Variants in ATRNL1 observed in about 807,000 individuals in gnomAD.
ATRNL1 encodes attractin-like protein 1.
A neutral mutation model predicts 182.7 loss-of-function variants in ATRNL1; 95 were observed. That is an observed-to-expected ratio of 0.52 (90% CI 0.44 to 0.62). The LOEUF (loss-of-function observed/expected upper bound fraction) is 0.62, where lower values mean the gene tolerates loss of function less well. ATRNL1 is among the 20% of genes least tolerant of loss of function. The probability of loss-of-function intolerance (pLI) is 0.00; values close to 1 mark genes in which losing one functional copy is unlikely to be tolerated. For missense variants in ATRNL1, 1,471 were observed against 1,679.5 expected (o/e 0.88, Z 2.17); for synonymous variants, 576 against 568.3 (o/e 1.01, Z -0.19).
intron 21 of ATRNL1, among the ~76,000 whole-genome samples, chr10:115,433,266 G>T (rs145709860): frequency 1.3e-5 from 2 of 152,122 alleles, no homozygotes; most frequent in Non-Finnish European, 2.9e-5. Flanking sequence ...GTATGTCATA[G>T]AAAACAATGA....
chr10:115,864,758 G>A (rs1295953077), intron 28 of ATRNL1, among the ~76,000 whole-genome samples: 2 of 152,080 alleles, frequency 1.3e-5, no homozygotes, highest in Non-Finnish European at 2.9e-5. Context: ...CGAGGTGGGC[G>A]GATCACAAGG....
intron 28 of ATRNL1, among the ~76,000 whole-genome samples, chr10:115,937,442 G>A (rs782481864): frequency 2.0e-5 from 3 of 152,090 alleles, no homozygotes; most frequent in Admixed American, 1.3e-4. Flanking sequence ...TTCCATTTTT[G>A]TTCAACAATG....
At chr10:115,379,037 T>C (rs1221194396) in intron 19 of ATRNL1, among the ~76,000 whole-genome samples, 2 of 152,182 alleles carry the variant, frequency 1.3e-5, no homozygotes, top group Non-Finnish European at 2.9e-5. Context: ...AAAGTGTTTT[T>C]TTTTATAAAC....
chr10:115,233,827 A>G (rs782228612), intron 9 of ATRNL1, among the ~76,000 whole-genome samples: 1 of 152,144 alleles, frequency 6.6e-6, no homozygotes, highest in South Asian at 2.1e-4. Flanking sequence ...TATTAACTCA[A>G]CTTGGGTTAA....
At chr10:115,192,774 A>T (rs995635000) in intron 8 of ATRNL1, among the ~76,000 whole-genome samples, 7 of 151,930 alleles carry the variant, frequency 4.6e-5, no homozygotes, top group African/African-American at 1.7e-4. Flanking sequence ...AATTGTAGAG[A>T]TCTTTCACTT....
chr10:115,479,815 G>T (rs79727145), intron 24 of ATRNL1, among the ~76,000 whole-genome samples: 4,796 of 151,354 alleles, frequency 0.032, 249 homozygotes, highest in African/African-American at 0.11. Context: ...TACTACTGTA[G>T]CGGTAGTGCT....
intron 26 of ATRNL1, among the ~76,000 whole-genome samples, chr10:115,616,179 C>A (rs1857417180): frequency 6.6e-6 from 1 of 152,146 alleles, no homozygotes; most frequent in Non-Finnish European, 1.5e-5. Flanking sequence ...CTTAGCAAAG[C>A]AATTAGCTGC....
intron 28 of ATRNL1, among the ~76,000 whole-genome samples, chr10:115,907,253 C>A (rs1253929049): frequency 6.6e-6 from 1 of 152,196 alleles, no homozygotes; most frequent in African/African-American, 2.4e-5. Flanking sequence ...AAGGAAGCTG[C>A]GGTAGCAAGC....
At chr10:115,754,943 A>G (rs1948546952) in intron 27 of ATRNL1, among the ~76,000 whole-genome samples, 1 of 152,014 alleles carries the variant, frequency 6.6e-6, no homozygotes, top group African/African-American at 2.4e-5. Context: ...TGTGAATGGG[A>G]GTTGACTCAT....
chr10:115,647,844 G>A (rs1299888397), intron 26 of ATRNL1, among the ~76,000 whole-genome samples: 2 of 152,070 alleles, frequency 1.3e-5, no homozygotes, highest in Non-Finnish European at 2.9e-5. Context: ...CATTGCTTTT[G>A]GTGTTTTAGT....
intron 26 of ATRNL1, among the ~76,000 whole-genome samples, chr10:115,628,852 T>C (rs1031153337): frequency 6.6e-6 from 1 of 152,148 alleles, no homozygotes; most frequent in African/African-American, 2.4e-5. Context: ...ACTGCAATTA[T>C]TTTTGCACCA....
intron 19 of ATRNL1, among the ~76,000 whole-genome samples, chr10:115,376,556 G>T (rs900483044): frequency 1.3e-4 from 19 of 151,984 alleles, no homozygotes; most frequent in African/African-American, 4.6e-4. Context: ...ATGGGGTCTC[G>T]CTATGTTGCC....
intron 10 of ATRNL1, among the ~76,000 whole-genome samples, chr10:115,243,286 A>T (rs534485071): frequency 3.6e-4 from 55 of 152,176 alleles, no homozygotes; most frequent in African/African-American, 1.2e-3. Flanking sequence ...GTTGAAGATT[A>T]TGATATATCA....
chr10:115,910,087 G>A (rs1555115527), intron 28 of ATRNL1, among the ~76,000 whole-genome samples: 1 of 152,084 alleles, frequency 6.6e-6, no homozygotes, highest in Non-Finnish European at 1.5e-5. Context: ...TTATGCACCT[G>A]ATCCCTTAGC....
At chr10:115,317,183 C>T (rs752152183) in intron 18 of ATRNL1, among the ~76,000 whole-genome samples, 8 of 152,096 alleles carry the variant, frequency 5.3e-5, no homozygotes, top group Non-Finnish European at 8.8e-5. Context: ...ATCCTTTCCC[C>T]GTTGCTTGCT....
intron 25 of ATRNL1, among the ~76,000 whole-genome samples, chr10:115,521,224 G>A (rs1260132709): frequency 1.3e-5 from 2 of 151,750 alleles, no homozygotes; most frequent in African/African-American, 2.4e-5. Flanking sequence ...CGCTATTTCG[G>A]CTCACTGCAA....
intron 28 of ATRNL1, among the ~76,000 whole-genome samples, chr10:115,901,805 CATCA>C (rs1658238616): frequency 7.8e-6 from 1 of 127,536 alleles, no homozygotes; most frequent in Non-Finnish European, 1.7e-5. Context: ...TGCTAAAAAA[CATCA>C]TGTTTTGAAC....
At position 115,562,949 on chromosome 10, in the gene ATRNL1, T is replaced by G. The variant is rs536324841; in HGVS notation, c.3795+13413T>G. ...CAAAGGACCCTAAATAGCAGAAACA[T>G]TTTTGAAAAAGAACAAATTTACAGT... On this transcript the variant is annotated intron_variant, in intron 26 of 28. Transcript: ENST00000355044. Among the ~76,000 whole-genome samples, 4 of 152,294 alleles carry G rather than the reference T, an allele frequency of 2.6e-5. No individual in the cohort carries two copies. The South Asian group carries it at 8.3e-4, about 32-fold the overall frequency.
chr10:115,574,537 A>G (rs1854595955), intron 26 of ATRNL1, among the ~76,000 whole-genome samples: 1 of 152,124 alleles, frequency 6.6e-6, no homozygotes, highest in Non-Finnish European at 1.5e-5. Flanking sequence ...TCTACCATGT[A>G]TCTTAATCTT....
Sources: allele counts gnomAD v4.1 joint callset (sites outside exome capture counted in the v4.1 genomes callset), GRCh38; gene constraint gnomAD v4.1.1; transcripts MANE v1.5; gene names NCBI Gene and HGNC (gene_info 2026-07-23, HGNC 2026-07-21).